SSBP2: variants seen among roughly 807,000 people sequenced by gnomAD.
The protein encoded by SSBP2 is single-stranded DNA-binding protein 2.
Under a neutral mutation model 61.8 loss-of-function variants are expected in SSBP2, and 17 were observed. That is an observed-to-expected ratio of 0.28 (90% CI 0.19 to 0.41). SSBP2 has a LOEUF of 0.41. Ranked by LOEUF, SSBP2 falls within the 10% of genes least tolerant of loss-of-function variation. The pLI is 1.00. For synonymous variants in SSBP2, 139 were observed against 141.3 expected (o/e 0.98, Z 0.12); for missense variants, 310 against 458.7 (o/e 0.68, Z 2.96).
At chr5:81,539,990 G>A (rs983898903) in intron 4 of SSBP2, among the ~76,000 whole-genome samples, 2 of 152,158 alleles carry the variant, frequency 1.3e-5, no homozygotes, top group Admixed American at 1.3e-4. Flanking sequence ...AGAACATGCA[G>A]TGTTTGGTTT....
At chr5:81,592,866 G>C (rs1272385750) in intron 4 of SSBP2, among the ~76,000 whole-genome samples, 1 of 152,098 alleles carries the variant, frequency 6.6e-6, no homozygotes, top group South Asian at 2.1e-4. Context: ...AAGACCAAAG[G>C]TGGATACAAC....
chr5:81,529,996 G>A (rs1365348532), intron 4 of SSBP2, among the ~76,000 whole-genome samples: 1 of 152,016 alleles, frequency 6.6e-6, no homozygotes, highest in African/African-American at 2.4e-5. Flanking sequence ...CAGACTGCCA[G>A]GTTAGGAAGA....
intron 4 of SSBP2, among the ~76,000 whole-genome samples, chr5:81,569,305 CT>C (rs1167131032): frequency 6.6e-6 from 1 of 152,152 alleles, no homozygotes; most frequent in Non-Finnish European, 1.5e-5. Flanking sequence ...TGTGCTGACC[CT>C]TTACACCATG....
chr5:81,477,818 G>A (rs1580784525), intron 6 of SSBP2, among the ~76,000 whole-genome samples: 1 of 152,206 alleles, frequency 6.6e-6, no homozygotes, highest in East Asian at 1.9e-4. Context: ...TGTGTATTGA[G>A]GGAATAAAAG....
At position 81,448,773 on chromosome 5, in the gene SSBP2, A is replaced by T. The variant is rs756040815; in HGVS notation, c.723+17T>A. 3 of 1,611,218 alleles carry T rather than the reference A, an allele frequency of 1.9e-6. No homozygotes were observed. Among genetic ancestry groups the T allele is most frequent in the Non-Finnish European group, 2.5e-6 (3 of 1,178,202 alleles). On this transcript the variant is annotated intron_variant, in intron 11 of 16. Transcript: ENST00000320672. ...TAACATCAATTCTTATAAGCAAACA[A>T]ACCCAAATGTACTTACTACATAATT...
chr5:81,501,563 C>CTTTTTTTTTTT (rs71603598), intron 5 of SSBP2, among the ~76,000 whole-genome samples: 1 of 117,376 alleles, frequency 8.5e-6, no homozygotes, highest in Non-Finnish European at 1.8e-5. Flanking sequence ...TCTTTCTTTT[C>CTTTTTTTTTTT]TTTTTTTTTT....
At chr5:81,448,637 A>T (rs1295935929) in intron 11 of SSBP2, among the ~76,000 whole-genome samples, 153 bp downstream of exon 11, 1 of 152,196 alleles carries the variant, frequency 6.6e-6, no homozygotes, top group Admixed American at 6.5e-5. Context: ...ATGAACATCA[A>T]CATATGTACT....
chr5:81,666,561 G>A (rs531180068), intron 1 of SSBP2, among the ~76,000 whole-genome samples: 2 of 152,222 alleles, frequency 1.3e-5, no homozygotes, highest in South Asian at 4.1e-4. Flanking sequence ...CAACTTTGGA[G>A]AACTGAAAAG....
chr5:81,690,164 G>GA (rs1309016301), intron 1 of SSBP2, among the ~76,000 whole-genome samples: 1 of 151,914 alleles, frequency 6.6e-6, no homozygotes, highest in East Asian at 1.9e-4. Context: ...TCACTAAAAG[G>GA]AAGACAGGAA....
At chr5:81,458,270 T>C (rs923933259) in intron 10 of SSBP2, among the ~76,000 whole-genome samples, 3 of 152,252 alleles carry the variant, frequency 2.0e-5, no homozygotes, top group Non-Finnish European at 2.9e-5. Flanking sequence ...ATCTGTAGAT[T>C]AGAAAATAGC....
chr5:81,497,712 CA>C (rs569314695), intron 5 of SSBP2, among the ~76,000 whole-genome samples: 31 of 152,152 alleles, frequency 2.0e-4, no homozygotes, highest in Non-Finnish European at 3.5e-4. Flanking sequence ...TCCATACTAA[CA>C]GTATACAAGA....
intron 5 of SSBP2, among the ~76,000 whole-genome samples, chr5:81,493,876 G>A (rs1767092222): frequency 6.6e-6 from 1 of 152,144 alleles, no homozygotes; most frequent in Non-Finnish European, 1.5e-5. Flanking sequence ...GGAATTACAG[G>A]TATGAACCAT....
chr5:81,591,013 A>C (rs1405686469), intron 4 of SSBP2, among the ~76,000 whole-genome samples: 1 of 152,214 alleles, frequency 6.6e-6, no homozygotes, highest in Non-Finnish European at 1.5e-5. Context: ...GTTGTGTCCT[A>C]TGCTACCAGG....
chr5:81,517,910 T>C (rs1330203908), intron 4 of SSBP2, among the ~76,000 whole-genome samples: 1 of 152,058 alleles, frequency 6.6e-6, no homozygotes, highest in Non-Finnish European at 1.5e-5. Flanking sequence ...GGAAAAAAAG[T>C]TGTATATACT....
chr5:81,594,947 G>C (rs1743557138), intron 4 of SSBP2, among the ~76,000 whole-genome samples: 1 of 152,100 alleles, frequency 6.6e-6, no homozygotes, highest in Non-Finnish European at 1.5e-5. Context: ...AGAAGCAAGA[G>C]CAAACACGTT....
intron 1 of SSBP2, among the ~76,000 whole-genome samples, chr5:81,705,292 GT>G (rs908657644): frequency 5.3e-5 from 8 of 152,114 alleles, no homozygotes; most frequent in East Asian, 1.9e-4. Context: ...AAATGTTAGA[GT>G]TTTTTAAAAG....
intron 4 of SSBP2, among the ~76,000 whole-genome samples, chr5:81,547,720 G>T (rs575807105): frequency 1.6e-3 from 248 of 152,258 alleles, no homozygotes; most frequent in Non-Finnish European, 2.6e-3. Context: ...TGATCCTCCT[G>T]CCTTGGACTC....
chr5:81,718,376 G>A (rs772872712), intron 1 of SSBP2, among the ~76,000 whole-genome samples: 2 of 152,174 alleles, frequency 1.3e-5, no homozygotes, highest in Admixed American at 6.6e-5. Context: ...AAAAATAGCC[G>A]ATAACAGTGA....
Position 81,650,352 on chromosome 5 carries a change from T to C in SSBP2, c.63-13A>G, listed in dbSNP as rs1749620991. 2.0e-6 allele frequency: 3 copies of C among 1,507,318 alleles called. No homozygotes were observed. Among genetic ancestry groups the C allele is most frequent in the Non-Finnish European group, 2.7e-6 (3 of 1,116,368 alleles). 93.4% of individuals were successfully genotyped at this position (1,507,318 alleles called of 1,614,324 possible). A position where few individuals can be genotyped will look rare whatever the true frequency, so the allele number is the denominator to read the frequency against. ...GTAGAGTGCTAACCTGGAAAACAAA[T>C]AAAATATTTATTGAGAAGAGGAATA... On this transcript the variant is annotated splice_polypyrimidine_tract_variant and intron_variant, in intron 1 of 16. Coordinates refer to ENST00000320672, the MANE Select transcript of SSBP2 (RefSeq NM_012446.5).
Sources: allele counts gnomAD v4.1 joint callset (sites outside exome capture counted in the v4.1 genomes callset), GRCh38; gene constraint gnomAD v4.1.1; transcripts MANE v1.5; gene names NCBI Gene and HGNC (gene_info 2026-07-23, HGNC 2026-07-21).